PDE4D: variants seen among roughly 807,000 people sequenced by gnomAD.
PDE4D encodes phosphodiesterase 4D.
PDE4D carries 24 observed loss-of-function variants against 87.4 expected under a neutral mutation model. The ratio of observed to expected loss-of-function variants is 0.27; its 90% confidence interval spans 0.20 to 0.39. PDE4D has a LOEUF of 0.39. PDE4D is among the 10% of genes least tolerant of loss of function. The pLI, the probability that PDE4D is intolerant of heterozygous loss-of-function variation, is 1.00. For synonymous variants in PDE4D, 384 were observed against 383.2 expected, an observed-to-expected ratio of 1.00 and a Z score of -0.02; for missense variants, 714 against 1,041.0, an observed-to-expected ratio of 0.69 and a Z score of 4.32.
intron 5 of PDE4D, among the ~76,000 whole-genome samples, chr5:59,101,117 T>G (rs756979840): frequency 6.6e-6 from 1 of 152,102 alleles, no homozygotes; most frequent in Non-Finnish European, 1.5e-5. Flanking sequence ...CAGCCCTCAC[T>G]CAACAATCTA....
chr5:59,121,384 G>A (rs1774474830), intron 5 of PDE4D, among the ~76,000 whole-genome samples: 4 of 151,982 alleles, frequency 2.6e-5, no homozygotes, highest in Admixed American at 2.6e-4. Context: ...CATTAAAAGT[G>A]GACAAAGGAC....
chr5:59,593,517 A>T (rs534482052), intron 1 of PDE4D, among the ~76,000 whole-genome samples: 4 of 152,342 alleles, frequency 2.6e-5, no homozygotes, highest in African/African-American at 9.6e-5. Flanking sequence ...TCCAGCTTTC[A>T]GTTCCTCACA....
intron 1 of PDE4D, among the ~76,000 whole-genome samples, chr5:59,727,646 A>G (rs1396075825): frequency 6.6e-6 from 1 of 152,102 alleles, no homozygotes; most frequent in Non-Finnish European, 1.5e-5. Context: ...TCTGGAGTCC[A>G]AAAGCCTGTT....
At chr5:60,304,518 G>A (rs986114179) in intron 1 of PDE4D, among the ~76,000 whole-genome samples, 22 of 151,318 alleles carry the variant, frequency 1.5e-4, no homozygotes, top group African/African-American at 4.6e-4. Context: ...GGTGGCGGGC[G>A]CCTGTAGTCC....
chr5:59,884,314 C>T (rs1026389885), intron 1 of PDE4D, among the ~76,000 whole-genome samples: 1 of 151,682 alleles, frequency 6.6e-6, no homozygotes, highest in Non-Finnish European at 1.5e-5. Context: ...ACACACATAC[C>T]ACACATACAC....
At chr5:60,470,791 A>G (rs1439991191) in intron 1 of PDE4D, among the ~76,000 whole-genome samples, 1 of 152,204 alleles carries the variant, frequency 6.6e-6, no homozygotes, top group Admixed American at 6.6e-5. Flanking sequence ...CCAAAAAAAA[A>G]AGATTCCTTT....
At chr5:60,245,833 T>A (rs1482278171) in intron 1 of PDE4D, among the ~76,000 whole-genome samples, 1 of 150,118 alleles carries the variant, frequency 6.7e-6, no homozygotes, top group Non-Finnish European at 1.5e-5. Context: ...ACAAAAAAAA[T>A]AGAAAGAATG....
intron 6 of PDE4D, among the ~76,000 whole-genome samples, chr5:59,009,736 A>T (rs559108153): frequency 2.6e-4 from 39 of 152,306 alleles, no homozygotes; most frequent in African/African-American, 9.4e-4. Flanking sequence ...GTGAAAATGC[A>T]TTCAACTATA....
chr5:59,639,023 G>T (rs1297309648), intron 1 of PDE4D, among the ~76,000 whole-genome samples: 1 of 152,008 alleles, frequency 6.6e-6, no homozygotes, highest in Admixed American at 6.6e-5. Flanking sequence ...TGGGAAGTAG[G>T]AAGAGAAAAA....
At chr5:59,014,927 A>T (rs992066544) in intron 6 of PDE4D, among the ~76,000 whole-genome samples, 1 of 152,224 alleles carries the variant, frequency 6.6e-6, no homozygotes, top group Non-Finnish European at 1.5e-5. Context: ...GAACAGAGAT[A>T]TAGGCCAATG....
intron 5 of PDE4D, among the ~76,000 whole-genome samples, chr5:59,134,865 G>T (rs569278983): frequency 4.6e-5 from 7 of 152,202 alleles, no homozygotes; most frequent in African/African-American, 1.7e-4. Context: ...TGAGCTCTAG[G>T]TTGTTATTCA....
At chr5:59,466,396 C>T (rs1183449799) in intron 1 of PDE4D, among the ~76,000 whole-genome samples, 2 of 152,190 alleles carry the variant, frequency 1.3e-5, no homozygotes, top group African/African-American at 2.4e-5. Context: ...TAATTATTTT[C>T]CACAAGCCCA....
chr5:59,962,034 T>C (rs1436413575), intron 3 of PDE4D, among the ~76,000 whole-genome samples: 1 of 152,180 alleles, frequency 6.6e-6, no homozygotes, highest in Non-Finnish European at 1.5e-5. Flanking sequence ...ACGTGAAGGA[T>C]GCTTTTTTAT....
At position 60,349,408 on chromosome 5, in the gene PDE4D, G is replaced by A. The variant is rs192688257; in HGVS notation, c.-90+138534C>T. ...CTAAGGAAAATCAAATAGAGACTGA[G>A]TGTATTTCTCAAGGTAGCAAATACT... On this transcript the variant is annotated intron_variant, in intron 1 of 16. Transcript: ENST00000502484. Among the ~76,000 whole-genome samples the A allele has an allele frequency of 3.9e-5, 6 of 152,234 alleles. No homozygotes were observed. In the East Asian group the frequency reaches 1.2e-3, roughly 29 times the overall value.
intron 1 of PDE4D, among the ~76,000 whole-genome samples, chr5:59,374,510 A>T (rs1219765703): frequency 6.6e-6 from 1 of 152,186 alleles, no homozygotes; most frequent in African/African-American, 2.4e-5. Context: ...AACAGAGAGA[A>T]ACACTCAGAT....
chr5:59,457,727 G>A (rs1239429204), intron 1 of PDE4D, among the ~76,000 whole-genome samples: 3 of 151,920 alleles, frequency 2.0e-5, no homozygotes, highest in East Asian at 3.9e-4. Flanking sequence ...CCCATCTCAA[G>A]TAAAAATACA....
chr5:59,734,331 AATAT>A lies in PDE4D; in HGVS notation c.455+158833_455+158836del, dbSNP rs555432973. Among the ~76,000 whole-genome samples, 791 of 152,266 alleles carry A rather than the reference AATAT, an allele frequency of 5.2e-3. 4 individuals carry two copies. The highest frequency in any genetic ancestry group is 0.018 in the African/African-American group (738 of 41,558). On this transcript the variant is annotated intron_variant, in intron 1 of 14. Coordinates refer to ENST00000340635, the MANE Select transcript of PDE4D (RefSeq NM_001104631.2). ...TCAATATCTGATGTTGAACTTTCCA[AATAT>A]ATACAGAAAATTACATATAAGTTAT...
intron 1 of PDE4D, among the ~76,000 whole-genome samples, chr5:59,868,578 C>T (rs1385448781): frequency 6.6e-6 from 1 of 152,084 alleles, no homozygotes; most frequent in Non-Finnish European, 1.5e-5. Context: ...AACTGAATTG[C>T]CATTAGAGAA....
intron 1 of PDE4D, among the ~76,000 whole-genome samples, chr5:59,860,586 A>G (rs1016343416): frequency 6.6e-6 from 1 of 152,244 alleles, no homozygotes; most frequent in East Asian, 1.9e-4. Context: ...AGATGAAAAT[A>G]GGTTTAAATC....
Sources: allele counts gnomAD v4.1 joint callset (sites outside exome capture counted in the v4.1 genomes callset), GRCh38; gene constraint gnomAD v4.1.1; transcripts MANE v1.5; gene names NCBI Gene and HGNC (gene_info 2026-07-23, HGNC 2026-07-21).